Variants in RPS6KA2 observed in about 807,000 individuals in gnomAD.
RPS6KA2 encodes the protein ribosomal protein S6 kinase alpha-2.
A neutral mutation model predicts 91.8 loss-of-function variants in RPS6KA2; 42 were observed. The observed-to-expected ratio is 0.46, with a 90% CI of 0.36 to 0.59. The LOEUF is 0.59. Ranked by LOEUF, RPS6KA2 falls within the 20% of genes least tolerant of loss-of-function variation. RPS6KA2 has a pLI of 0.00. For synonymous variants in RPS6KA2, 414 were observed against 393.6 expected, an observed-to-expected ratio of 1.05 and a Z score of -0.61; for missense variants, 798 against 978.5, an observed-to-expected ratio of 0.82 and a Z score of 2.46.
chr6:166,772,109 A>G (rs996782803), intron 2 of RPS6KA2, among the ~76,000 whole-genome samples: 3 of 148,134 alleles, frequency 2.0e-5, no homozygotes, highest in Admixed American at 6.6e-5. Flanking sequence ...CCATTTATGT[A>G]CCTGTTTGTA....
chr6:166,714,281 G>A (rs1045143409), intron 2 of RPS6KA2, among the ~76,000 whole-genome samples: 4 of 152,238 alleles, frequency 2.6e-5, no homozygotes, highest in Non-Finnish European at 5.9e-5. Flanking sequence ...GGGTTCTCAT[G>A]AGAAACACAG....
chr6:166,592,996 T>C (rs966943018), intron 1 of RPS6KA2, among the ~76,000 whole-genome samples: 5 of 152,182 alleles, frequency 3.3e-5, no homozygotes, highest in Admixed American at 3.3e-4. Context: ...ACAGACGTGT[T>C]AGTCACTCAA....
intron 2 of RPS6KA2, among the ~76,000 whole-genome samples, chr6:166,813,667 T>C (rs1479968862): frequency 6.6e-6 from 1 of 152,166 alleles, no homozygotes; most frequent in African/African-American, 2.4e-5. Context: ...CCTTGGTGTA[T>C]AGATGCGTCA....
chr6:166,681,339 C>T (rs961019297), intron 2 of RPS6KA2, among the ~76,000 whole-genome samples: 9 of 152,174 alleles, frequency 5.9e-5, no homozygotes, highest in Non-Finnish European at 1.2e-4. Context: ...AAGAAAAATA[C>T]GAGGCATAGC....
intron 2 of RPS6KA2, among the ~76,000 whole-genome samples, chr6:166,802,408 CAAAACATAAGATTTAAA>C: frequency 6.6e-6 from 1 of 152,078 alleles, no homozygotes; most frequent in African/African-American, 2.4e-5. Context: ...ATAGACTACA[CAAAACATAAGATTTAAA>C]AATAAGACCA....
intron 1 of RPS6KA2, among the ~76,000 whole-genome samples, chr6:166,568,621 G>GGA (rs1784578566): frequency 1.5e-4 from 7 of 45,550 alleles, no homozygotes; most frequent in Admixed American, 3.3e-4. Context: ...CTCCATCTCA[G>GGA]AAAAAAAAAA....
chr6:166,498,719 G>C (rs1781891166), intron 7 of RPS6KA2, 69 bp from the exon 8 acceptor site: 1 of 1,578,230 alleles, frequency 6.3e-7, no homozygotes, highest in Admixed American at 1.8e-5. Flanking sequence ...ACTCAGGCGG[G>C]CATCAGCGTC....
At chr6:166,599,755 C>G (rs9356494) in intron 1 of RPS6KA2, among the ~76,000 whole-genome samples, 17,132 of 152,156 alleles carry the variant, frequency 0.11, 1,067 homozygotes, top group East Asian at 0.31. Context: ...GCCCAATATG[C>G]GCTCAGTAAT....
At position 166,626,813 on chromosome 6, in the gene RPS6KA2, A is replaced by T; in HGVS notation, c.99+108T>A. 1.1e-6 allele frequency: 1 copy of T among 902,812 alleles called. No homozygotes were observed. Among genetic ancestry groups the T allele is most frequent in the Non-Finnish European group, 1.5e-6 (1 of 679,030 alleles). The allele number at this position is 902,812 out of a possible 1,614,324, so 55.9% of individuals were successfully genotyped here. A position where few individuals can be genotyped will look rare whatever the true frequency, so the allele number is the denominator to read the frequency against. On this transcript the variant is annotated intron_variant, in intron 1 of 20. Transcript: ENST00000265678. The surrounding 1 kb of genome is among the most constrained non-coding windows in gnomAD (Gnocchi z 4.1). ...ACCGGACCAGCTTTCCAGTAACTTG[A>T]ACTCCCTGACGGGTCTCGGGGTCCA...
At chr6:166,813,026 ACT>A (rs1350133161) in intron 2 of RPS6KA2, among the ~76,000 whole-genome samples, 1 of 152,012 alleles carries the variant, frequency 6.6e-6, no homozygotes, top group Non-Finnish European at 1.5e-5. Flanking sequence ...ATCCTGAGAC[ACT>A]CACGCACCTC....
intron 1 of RPS6KA2, among the ~76,000 whole-genome samples, chr6:166,599,759 C>T (rs1785663053): frequency 6.6e-6 from 1 of 152,176 alleles, no homozygotes; most frequent in Non-Finnish European, 1.5e-5. Context: ...AATATGCGCT[C>T]AGTAATGTGA....
chr6:166,536,695 G>T (rs562240537), intron 2 of RPS6KA2, among the ~76,000 whole-genome samples: 8 of 152,270 alleles, frequency 5.3e-5, no homozygotes, highest in Non-Finnish European at 1.0e-4. Context: ...CTCTGGACAG[G>T]CATTACTGGA....
intron 3 of RPS6KA2, among the ~76,000 whole-genome samples, chr6:166,524,005 G>T (rs989198761): frequency 1.3e-5 from 2 of 152,158 alleles, no homozygotes; most frequent in Non-Finnish European, 1.5e-5. Context: ...GACAGAGGGG[G>T]CTTTGACATG....
chr6:166,676,737 C>T (rs184660498), intron 2 of RPS6KA2, among the ~76,000 whole-genome samples: 14 of 152,314 alleles, frequency 9.2e-5, no homozygotes, highest in Non-Finnish European at 1.2e-4. Flanking sequence ...CACTCTGCTG[C>T]GAACACTGCT....
rs1780024775 is a variant in RPS6KA2, at chr6:166,825,296, G to C, written c.123+32904C>G. Among the ~76,000 whole-genome samples, 1 of 152,218 alleles carries C rather than the reference G, an allele frequency of 6.6e-6. No individual in the cohort carries two copies. The highest frequency in any genetic ancestry group is 1.5e-5 in the Non-Finnish European group (1 of 68,036). On this transcript the variant is annotated intron_variant, in intron 2 of 21. Coordinates refer to the RPS6KA2 transcript ENST00000503859. The surrounding 1 kb of genome is among the most constrained non-coding windows in gnomAD (Gnocchi z 4.1). Reference sequence around the variant, plus strand: ...TGGTGCCGTGACTGCTGGGAATCCAGGGTACCCGTGGCTGTGAGGGGAAGG... The same window carrying C: ...TGGTGCCGTGACTGCTGGGAATCCACGGTACCCGTGGCTGTGAGGGGAAGG...
intron 1 of RPS6KA2, among the ~76,000 whole-genome samples, chr6:166,614,727 G>C (rs1786339032): frequency 1.3e-5 from 2 of 152,150 alleles, no homozygotes; most frequent in African/African-American, 4.8e-5. Flanking sequence ...AGCCCTGGGG[G>C]CCACCTGCGT....
At chr6:166,588,375 A>G (rs912752554) in intron 1 of RPS6KA2, among the ~76,000 whole-genome samples, 9 of 151,566 alleles carry the variant, frequency 5.9e-5, no homozygotes, top group Admixed American at 3.9e-4. Flanking sequence ...TTTCTGCAGA[A>G]AAAATGAGGG....
At chr6:166,718,282 G>A (rs938921939) in intron 2 of RPS6KA2, among the ~76,000 whole-genome samples, 1 of 152,194 alleles carries the variant, frequency 6.6e-6, no homozygotes, top group Non-Finnish European at 1.5e-5. Flanking sequence ...CATGCAGACT[G>A]GCAGATAGCA....
At chr6:166,843,857 AG>A (rs1412536380) in intron 2 of RPS6KA2, among the ~76,000 whole-genome samples, 1 of 152,118 alleles carries the variant, frequency 6.6e-6, no homozygotes, top group East Asian at 1.9e-4. Flanking sequence ...TGACAAAACA[AG>A]GTTCTTTAAC....
Sources: allele counts gnomAD v4.1 joint callset (sites outside exome capture counted in the v4.1 genomes callset), GRCh38; gene constraint gnomAD v4.1.1; non-coding constraint Gnocchi (gnomAD v3.1); transcripts MANE v1.5; gene names NCBI Gene and HGNC (gene_info 2026-07-23, HGNC 2026-07-21).